MYO1D: variants seen among roughly 807,000 people sequenced by gnomAD.
MYO1D encodes the protein myosin ID.
Under a neutral mutation model 122.0 loss-of-function variants are expected in MYO1D, and 83 were observed. The observed-to-expected ratio is 0.68, with a 90% CI of 0.57 to 0.82. MYO1D has a LOEUF of 0.82. Among genes scored for constraint, MYO1D ranks in the 40% least tolerant of loss-of-function variants. MYO1D has a pLI of 0.00. For synonymous variants in MYO1D, 464 were observed against 446.9 expected (o/e 1.04, Z -0.48); for missense variants, 1,157 against 1,269.5 (o/e 0.91, Z 1.35).
chr17:32,763,301 A>T (rs1244882581), intron 8 of MYO1D, among the ~76,000 whole-genome samples: 1 of 152,200 alleles, frequency 6.6e-6, no homozygotes, highest in Admixed American at 6.5e-5. Context: ...CAAGCCTAAG[A>T]CTTACAAGAG....
intron 20 of MYO1D, among the ~76,000 whole-genome samples, chr17:32,617,554 C>T (rs1229557517): frequency 6.6e-6 from 1 of 152,126 alleles, no homozygotes; most frequent in African/African-American, 2.4e-5. Flanking sequence ...AATCCTCCTG[C>T]CTCAGCCTCC....
intron 21 of MYO1D, among the ~76,000 whole-genome samples, chr17:32,560,314 C>T (rs2087107497): frequency 6.6e-6 from 1 of 151,624 alleles, no homozygotes; most frequent in Non-Finnish European, 1.5e-5. Flanking sequence ...AAATACTAAA[C>T]TATTCTGAAG....
chr17:32,512,234 AGGTTGCAGT>A (rs1909719426), intron 21 of MYO1D, among the ~76,000 whole-genome samples: 1 of 151,958 alleles, frequency 6.6e-6, no homozygotes, highest in Non-Finnish European at 1.5e-5. Flanking sequence ...CAGGAGGCAG[AGGTTGCAGT>A]GAGCAGAGAT....
At position 32,682,361 on chromosome 17, in the gene MYO1D, T is replaced by C. The variant is rs1385187030; in HGVS notation, c.2122-23023A>G. ...CTTCCTAGTCTCGATGGTCTTTACA[T>C]TTTGGCATGATTTTGCAGCGGCTGG... On this transcript the variant is annotated intron_variant, in intron 16 of 21. Transcript: ENST00000318217. Among the ~76,000 whole-genome samples the C allele has an allele frequency of 3.3e-5, 5 of 149,836 alleles. No homozygotes were observed. In the East Asian group the frequency reaches 1.0e-3, roughly 30 times the overall value.
At chr17:32,641,099 C>A (rs1231842282) in intron 19 of MYO1D, among the ~76,000 whole-genome samples, 1 of 116,736 alleles carries the variant, frequency 8.6e-6, no homozygotes, top group Non-Finnish European at 1.7e-5. Context: ...CCCCACCCCA[C>A]AACAGGCCCC....
intron 16 of MYO1D, among the ~76,000 whole-genome samples, chr17:32,702,029 G>C (rs1410276575): frequency 1.3e-5 from 2 of 152,172 alleles, no homozygotes; most frequent in Non-Finnish European, 2.9e-5. Flanking sequence ...CATTGCTTAA[G>C]GAAAGCTCAC....
intron 6 of MYO1D, among the ~76,000 whole-genome samples, chr17:32,768,998 G>A (rs576455000): frequency 1.3e-5 from 2 of 152,270 alleles, no homozygotes; most frequent in East Asian, 3.9e-4. Flanking sequence ...CTCTCTAAGT[G>A]TGCATGTCCT....
At chr17:32,584,396 C>T (rs1349875185) in intron 21 of MYO1D, among the ~76,000 whole-genome samples, 1 of 152,108 alleles carries the variant, frequency 6.6e-6, no homozygotes, top group East Asian at 1.9e-4. Context: ...TGCTGGCCAA[C>T]CAACACTGAC....
chr17:32,654,785 C>T (rs2088452285), intron 17 of MYO1D, among the ~76,000 whole-genome samples, 164 bp from the exon 18 acceptor site: 1 of 151,940 alleles, frequency 6.6e-6, no homozygotes, highest in South Asian at 2.1e-4. Context: ...TCAAGTGATT[C>T]TTCTGCCTCA....
intron 1 of MYO1D, among the ~76,000 whole-genome samples, chr17:32,783,541 G>A (rs1430854474): frequency 6.6e-6 from 1 of 152,120 alleles, no homozygotes; most frequent in Non-Finnish European, 1.5e-5. Context: ...ATAATTGAAT[G>A]CATAACTATT....
chr17:32,494,452 G>T lies in MYO1D; in HGVS notation c.*307C>A. ...AGGTGCTCTGACTTGACCTGGCCAC[G>T]GGGCATCCGCACCAACTAAAGGCAC... On this transcript the variant is annotated 3_prime_UTR_variant, in exon 22 of 22. Transcript: ENST00000318217. 1 of 342,150 alleles carries T rather than the reference G, an allele frequency of 2.9e-6. No homozygotes were observed. 21.2% of individuals were successfully genotyped at this position (342,150 alleles called of 1,614,324 possible).
chr17:32,805,175 C>CG (rs1432385007), intron 1 of MYO1D, among the ~76,000 whole-genome samples: 1 of 152,150 alleles, frequency 6.6e-6, no homozygotes, highest in African/African-American at 2.4e-5. Context: ...GAATGGATCC[C>CG]AACAGACACC....
chr17:32,534,808 C>T (rs907604933), intron 21 of MYO1D, among the ~76,000 whole-genome samples: 6 of 151,984 alleles, frequency 3.9e-5, no homozygotes, highest in Non-Finnish European at 8.8e-5. Context: ...GATGTGAGAC[C>T]AGCTGGAGGG....
chr17:32,634,884 C>T (rs377589771), intron 20 of MYO1D, among the ~76,000 whole-genome samples: 2 of 152,168 alleles, frequency 1.3e-5, no homozygotes, highest in Non-Finnish European at 2.9e-5. Flanking sequence ...CAATATTCAG[C>T]GTGATCTGTG....
intron 1 of MYO1D, among the ~76,000 whole-genome samples, chr17:32,795,819 C>T (rs534657436): frequency 1.3e-5 from 2 of 152,144 alleles, no homozygotes; most frequent in South Asian, 2.1e-4. Context: ...ATAGCAGTTA[C>T]GTCAGACTAC....
chr17:32,509,157 G>C (rs1012424436), intron 21 of MYO1D, among the ~76,000 whole-genome samples: 3 of 152,336 alleles, frequency 2.0e-5, no homozygotes, highest in Admixed American at 1.3e-4. Context: ...AGGGTCAGGT[G>C]GGGTACATGT....
chr17:32,797,091 C>T (rs1365062209), intron 1 of MYO1D, among the ~76,000 whole-genome samples: 1 of 152,082 alleles, frequency 6.6e-6, no homozygotes, highest in Non-Finnish European at 1.5e-5. Flanking sequence ...CTGCCTCAGC[C>T]TCCCAAGTAG....
At position 32,712,292 on chromosome 17, in the gene MYO1D, A is replaced by G. The variant is rs757146328; in HGVS notation, c.1914-97T>C. On this transcript the variant is annotated intron_variant, in intron 15 of 21. Transcript: ENST00000318217. ...AATGCAAGACACCTCATAGAAAACC[A>G]AATCTTAGCAAACTATCAATAGAAT... The G allele has an allele frequency of 5.7e-6, 6 of 1,056,424 alleles. No individual in the cohort carries two copies. In the African/African-American group the frequency reaches 9.6e-5, roughly 17 times the overall value. The allele number at this position is 1,056,424 out of a possible 1,614,324, so 65.4% of individuals were successfully genotyped here.
chr17:32,591,916 G>T (rs915949076), intron 21 of MYO1D, among the ~76,000 whole-genome samples: 1 of 152,110 alleles, frequency 6.6e-6, no homozygotes. Context: ...TGCCGATGGA[G>T]CCCACACTTT....
Sources: gnomAD v4.1 joint callset for allele counts (sites outside exome capture counted in the v4.1 genomes callset) on GRCh38, gnomAD v4.1.1 for gene constraint, MANE v1.5 for transcripts, NCBI Gene and HGNC (gene_info 2026-07-23, HGNC 2026-07-21) for gene names.